Variants in GRIK4 observed in about 807,000 individuals in gnomAD.
The protein encoded by GRIK4 is glutamate receptor ionotropic, kainate 4.
GRIK4 carries 40 observed loss-of-function variants against 104.9 expected under a neutral mutation model. The ratio of observed to expected loss-of-function variants is 0.38; its 90% CI spans 0.30 to 0.50. GRIK4 has a LOEUF of 0.50. Ranked by LOEUF, GRIK4 falls within the 20% of genes least tolerant of loss-of-function variation. The pLI is 0.93. For missense variants in GRIK4, 1,047 were observed against 1,308.1 expected, an observed-to-expected ratio of 0.80 and a Z score of 3.08; for synonymous variants, 485 against 524.9, an observed-to-expected ratio of 0.92 and a Z score of 1.04.
rs544602679 is a variant in GRIK4, at chr11:120,734,762, G to A, written c.83-67931G>A. 1.3e-3 allele frequency among the ~76,000 whole-genome samples: 193 copies of A among 152,192 alleles called. 2 individuals are homozygous for A. The highest frequency in any genetic ancestry group is 4.5e-3 in the African/African-American group (185 of 41,542). Reference sequence around the variant, plus strand: ...CTGTCTGTGTATTTTCAAATAGCCTGTCTTCAGGCTCACTAATTCCTCCTT... The same window carrying A: ...CTGTCTGTGTATTTTCAAATAGCCTATCTTCAGGCTCACTAATTCCTCCTT... On this transcript the variant is annotated intron_variant, in intron 3 of 20. Transcript: ENST00000527524.
intron 11 of GRIK4, among the ~76,000 whole-genome samples, chr11:120,886,545 G>A (rs1804728496): frequency 6.6e-6 from 1 of 152,346 alleles, no homozygotes; most frequent in East Asian, 1.9e-4. Context: ...GTGATTGATT[G>A]ATTGAAGAAA....
chr11:120,566,011 A>G (rs1948317877), intron 1 of GRIK4, among the ~76,000 whole-genome samples: 1 of 152,222 alleles, frequency 6.6e-6, no homozygotes, highest in Non-Finnish European at 1.5e-5. Flanking sequence ...AGTAGGCGTC[A>G]TTGTCTCTAG....
chr11:120,827,751 A>G (rs897509472), intron 6 of GRIK4, among the ~76,000 whole-genome samples: 11 of 152,230 alleles, frequency 7.2e-5, no homozygotes, highest in Admixed American at 2.0e-4. Flanking sequence ...CTGGGCTGGA[A>G]AGACATCAAC....
intron 6 of GRIK4, 80 bp from the exon 7 acceptor site, chr11:120,831,772 C>T (rs958293267): frequency 3.5e-5 from 38 of 1,097,762 alleles, no homozygotes; most frequent in African/African-American, 1.1e-4. Context: ...CCCACATCTC[C>T]GTGCCTTCCT....
intron 9 of GRIK4, chr11:120,869,922 T>G (rs981240624): frequency 5.3e-5 from 8 of 151,704 alleles, no homozygotes; most frequent in African/African-American, 1.9e-4. Flanking sequence ...GATTCCGGAG[T>G]GGTGAGGTTG....
chr11:120,705,964 C>T (rs2135343331), intron 3 of GRIK4, among the ~76,000 whole-genome samples: 1 of 152,258 alleles, frequency 6.6e-6, no homozygotes, highest in African/African-American at 2.4e-5. Context: ...CTGACATTCT[C>T]CTTTAGCTCT....
At chr11:120,783,506 C>A (rs1463661223) in intron 3 of GRIK4, among the ~76,000 whole-genome samples, 1 of 152,002 alleles carries the variant, frequency 6.6e-6, no homozygotes, top group African/African-American at 2.4e-5. Context: ...CTTTGTCCCC[C>A]ATTTAACAGC....
intron 1 of GRIK4, chr11:120,564,695 A>C (rs1948289008): frequency 6.6e-6 from 1 of 152,160 alleles, no homozygotes; most frequent in African/African-American, 2.4e-5. Context: ...ATACTAATGC[A>C]CCCTAAAGGG....
At chr11:120,590,186 C>T (rs1948717632) in intron 1 of GRIK4, among the ~76,000 whole-genome samples, 1 of 152,152 alleles carries the variant, frequency 6.6e-6, no homozygotes, top group Admixed American at 6.5e-5. Context: ...ACCCTGCACC[C>T]TACTCATGAC....
chr11:120,685,979 T>C (rs1950270500), intron 3 of GRIK4, among the ~76,000 whole-genome samples: 1 of 152,112 alleles, frequency 6.6e-6, no homozygotes, highest in African/African-American at 2.4e-5. Flanking sequence ...CAACATGTGT[T>C]GATCTACTTA....
chr11:120,580,269 CCTTTCTTTCTTTA>C (rs1411444702), intron 1 of GRIK4, among the ~76,000 whole-genome samples: 3 of 113,816 alleles, frequency 2.6e-5, no homozygotes, highest in Non-Finnish European at 5.2e-5. Context: ...TTCTTTCTTT[CCTTTCTTTCTTTA>C]TTTATTTTTT....
chr11:120,969,209 T>G (rs1432633019), intron 19 of GRIK4, among the ~76,000 whole-genome samples: 1 of 152,150 alleles, frequency 6.6e-6, no homozygotes, highest in Non-Finnish European at 1.5e-5. Flanking sequence ...ACTTGCCAAA[T>G]TACAGTTAAA....
At chr11:120,608,004 C>T (rs114711079) in intron 1 of GRIK4, among the ~76,000 whole-genome samples, 4 of 152,172 alleles carry the variant, frequency 2.6e-5, no homozygotes, top group Non-Finnish European at 5.9e-5. Context: ...GAAAAGCTTT[C>T]GCTGGGCAAT....
intron 5 of GRIK4, among the ~76,000 whole-genome samples, chr11:120,815,779 G>A (rs922992786): frequency 6.6e-6 from 1 of 152,140 alleles, no homozygotes; most frequent in African/African-American, 2.4e-5. Context: ...AGAGGCTGGA[G>A]AGGCTGATGG....
intron 3 of GRIK4, among the ~76,000 whole-genome samples, chr11:120,661,898 A>T (rs1479378599): frequency 2.0e-5 from 3 of 152,260 alleles, no homozygotes; most frequent in Non-Finnish European, 4.4e-5. Flanking sequence ...CAGAAACTTC[A>T]AAACCTAATT....
chr11:120,964,918 C>T (rs138033621), intron 18 of GRIK4, among the ~76,000 whole-genome samples: 15 of 152,240 alleles, frequency 9.9e-5, no homozygotes, highest in South Asian at 2.1e-4. Flanking sequence ...ATTCATTTAC[C>T]AGACCATATT....
intron 1 of GRIK4, among the ~76,000 whole-genome samples, chr11:120,537,530 A>C (rs1947989657): frequency 6.6e-6 from 1 of 152,250 alleles, no homozygotes; most frequent in Non-Finnish European, 1.5e-5. Context: ...TGCCTGGGGG[A>C]GTCCTACCTG....
intron 3 of GRIK4, among the ~76,000 whole-genome samples, chr11:120,770,309 C>A (rs1202180259): frequency 2.6e-5 from 4 of 152,210 alleles, no homozygotes; most frequent in African/African-American, 9.7e-5. Flanking sequence ...TCTGTTTATG[C>A]CACATAGTGA....
intron 1 of GRIK4, among the ~76,000 whole-genome samples, chr11:120,631,686 T>C (rs1256332407): frequency 6.6e-6 from 1 of 152,224 alleles, no homozygotes; most frequent in Non-Finnish European, 1.5e-5. Context: ...GACTCTTGCC[T>C]TGAACTCCTA....
Sources: allele counts gnomAD v4.1 joint callset (sites outside exome capture counted in the v4.1 genomes callset), GRCh38; gene constraint gnomAD v4.1.1; transcripts MANE v1.5; gene names NCBI Gene and HGNC (gene_info 2026-07-23, HGNC 2026-07-21).